GPLD1: variants seen among roughly 807,000 people sequenced by gnomAD.
GPLD1 encodes the protein phosphatidylinositol-glycan-specific phospholipase D.
A neutral mutation model predicts 112.6 loss-of-function variants in GPLD1; 84 were observed. That is an observed-to-expected ratio of 0.75 (90% CI 0.63 to 0.89). The LOEUF (loss-of-function observed/expected upper bound fraction) is 0.89, where lower values mean the gene tolerates loss of function less well. GPLD1 is among the 40% of genes least tolerant of loss of function. GPLD1 has a pLI of 0.00. For synonymous variants in GPLD1, 386 were observed against 403.8 expected (o/e 0.96, Z 0.53); for missense variants, 1,044 against 1,051.5 (o/e 0.99, Z 0.10).
intron 3 of GPLD1, among the ~76,000 whole-genome samples, chr6:24,477,915 A>ATAAT (rs1319899120): frequency 1.3e-5 from 2 of 152,218 alleles, no homozygotes; most frequent in African/African-American, 4.8e-5. Context: ...AAAAAACCTA[A>ATAAT]GTGGAATAAG....
At chr6:24,488,046 CTTA>C (rs899035832) in intron 1 of GPLD1, among the ~76,000 whole-genome samples, 4 of 152,088 alleles carry the variant, frequency 2.6e-5, no homozygotes, top group Non-Finnish European at 4.4e-5. Context: ...TGCCTATAAT[CTTA>C]TTATTCTTTG....
At chr6:24,447,335 G>GT (rs146587458) in intron 17 of GPLD1, among the ~76,000 whole-genome samples, 19,330 of 151,916 alleles carry the variant, frequency 0.13, 1,398 homozygotes, top group East Asian at 0.16. Flanking sequence ...ATGAAACCCC[G>GT]TCTCTACTAA....
rs1762971168 is a variant in GPLD1 at position 24,448,133 on chromosome 6, C to T, written c.1521+1G>A. 6.2e-7 allele frequency: 1 copy of T among 1,611,648 alleles called. No homozygotes were observed. Among genetic ancestry groups the T allele is most frequent in the East Asian group, 2.2e-5 (1 of 44,822 alleles). On this transcript the variant is annotated splice_donor_variant, in intron 16 of 24. Coordinates refer to ENST00000230036, the MANE Select transcript of GPLD1 (RefSeq NM_001503.4). LOFTEE classifies it high-confidence loss of function. ...GCACCTGGCTAAAGTGGTAAACATA[C>T]CTGGCAAGAAATGGTGATGTTAGGG...
intron 2 of GPLD1, among the ~76,000 whole-genome samples, chr6:24,485,023 A>G (rs1764323981): frequency 6.6e-6 from 1 of 152,240 alleles, no homozygotes; most frequent in Non-Finnish European, 1.5e-5. Flanking sequence ...GCATATGATC[A>G]GAATGTGTTC....
intron 22 of GPLD1, among the ~76,000 whole-genome samples, chr6:24,436,096 T>C (rs1201462951): frequency 2.0e-5 from 3 of 151,006 alleles, no homozygotes; most frequent in Non-Finnish European, 4.4e-5. Flanking sequence ...TCTCTACAAA[T>C]AATAAAAAGA....
chr6:24,435,578 G>A (rs550048070), intron 22 of GPLD1, among the ~76,000 whole-genome samples: 10 of 151,758 alleles, frequency 6.6e-5, no homozygotes, highest in African/African-American at 2.4e-4. Flanking sequence ...TAAAATAGGT[G>A]GGGTACGGTG....
At chr6:24,492,821 CT>C (rs992295979), upstream of GPLD1, among the ~76,000 whole-genome samples, 2 of 152,180 alleles carry the variant, frequency 1.3e-5, no homozygotes, top group East Asian at 1.9e-4. Flanking sequence ...ACATTGTGAA[CT>C]TTCTAAGCTC....
chr6:24,475,356 T>C (rs1158868680), intron 4 of GPLD1, 125 bp from the exon 5 acceptor site: 2 of 633,992 alleles, frequency 3.2e-6, no homozygotes, highest in East Asian at 2.7e-5. Context: ...TTCAGGCAAG[T>C]AAATTGCAGT....
intron 6 of GPLD1, chr6:24,473,077 CCTTTT>C (rs1159334947): frequency 3.9e-5 from 2 of 51,350 alleles, no homozygotes; most frequent in Non-Finnish European, 7.0e-5. Context: ...CGCCAGGCCG[CCTTTT>C]TTTTTTTTTT....
upstream of GPLD1, among the ~76,000 whole-genome samples, chr6:24,494,052 C>G (rs112231237): frequency 6.6e-6 from 1 of 152,178 alleles, no homozygotes; most frequent in Non-Finnish European, 1.5e-5. Context: ...TTTAAAGGTG[C>G]TCAAATACCT....
chr6:24,445,534 T>C lies in GPLD1; in HGVS notation c.2020+12A>G. 1.3e-6 allele frequency: 2 copies of C among 1,583,780 alleles called. No individual in the cohort carries two copies. Among genetic ancestry groups the C allele is most frequent in the Middle Eastern group, 1.7e-4 (1 of 5,920 alleles). The stretch of plus-strand genomic sequence containing the variant: ...ACTGAAAGGAAGCACAGTTTCACAG[T>C]GTGTGACCTACCGTACGTAGGGGCT... On this transcript the variant is annotated intron_variant, in intron 20 of 24. Coordinates refer to ENST00000230036, the MANE Select transcript of GPLD1 (RefSeq NM_001503.4).
rs376914429 is a variant in GPLD1, at chr6:24,466,715, G to A, written c.786C>T (p.Tyr262=). 177 of 1,612,068 alleles carry A rather than the reference G, an allele frequency of 1.1e-4. No individual in the cohort carries two copies. Among genetic ancestry groups the A allele is most frequent in the South Asian group, 2.3e-4 (21 of 91,016 alleles). ...TCTCCAACATGAAGCTTGTTAGATG[G>A]TAAATATTAGTGGACCAAAATGCCA... ...DDMAFWSTNI[Y]HLTSFMLENG... The change falls in exon 10 of 25, where the codon TAC becomes TAT. Residue 262 remains tyrosine (Y), a synonymous_variant. Coordinates refer to ENST00000230036, the MANE Select transcript of GPLD1 (RefSeq NM_001503.4).
chr6:24,466,588 T>G, intron 10 of GPLD1, 92 bp downstream of exon 10: 3 of 948,708 alleles, frequency 3.2e-6, no homozygotes, highest in Non-Finnish European at 4.9e-6. Context: ...GTTTTGTTTT[T>G]ATGTGATCAG....
intron 12 of GPLD1, among the ~76,000 whole-genome samples, chr6:24,459,648 G>C (rs1763373661): frequency 6.6e-6 from 1 of 152,194 alleles, no homozygotes. Flanking sequence ...ACTCCTTTCA[G>C]ACTGAAATTT....
intron 20 of GPLD1, among the ~76,000 whole-genome samples, chr6:24,442,926 A>G (rs1335754196): frequency 1.3e-5 from 2 of 152,192 alleles, no homozygotes; most frequent in African/African-American, 4.8e-5. Context: ...AATTATCAAG[A>G]GAGTAAGGGC....
intron 20 of GPLD1, among the ~76,000 whole-genome samples, chr6:24,442,594 A>G (rs1322776741): frequency 1.3e-5 from 2 of 151,606 alleles, no homozygotes; most frequent in Admixed American, 1.3e-4. Flanking sequence ...ACAGGTGCCC[A>G]CCACCACGCC....
intron 20 of GPLD1, among the ~76,000 whole-genome samples, chr6:24,442,404 T>C (rs191566977): frequency 1.1e-4 from 16 of 146,576 alleles, no homozygotes; most frequent in Non-Finnish European, 2.1e-4. Context: ...CAGAGGTGCA[T>C]GCCACCACAT....
chr6:24,464,397 G>A (rs1763531015), intron 10 of GPLD1, among the ~76,000 whole-genome samples: 5 of 152,086 alleles, frequency 3.3e-5, no homozygotes, highest in Admixed American at 2.6e-4. Flanking sequence ...CAGGTCCACG[G>A]GAGAGCTTGG....
chr6:24,433,335 T>G, intron 23 of GPLD1, 28 bp downstream of exon 23: 1 of 1,605,112 alleles, frequency 6.2e-7, no homozygotes, highest in Non-Finnish European at 8.5e-7. Context: ...GTAATTTTTC[T>G]TTCTTCAGTC....
Sources: gnomAD v4.1 joint callset for allele counts (sites outside exome capture counted in the v4.1 genomes callset) on GRCh38, gnomAD v4.1.1 for gene constraint, MANE v1.5 for transcripts, NCBI Gene and HGNC (gene_info 2026-07-23, HGNC 2026-07-21) for gene names.